The following PTPRN2 variants were observed in gnomAD, a reference collection of about 807,000 sequenced individuals.
The protein encoded by PTPRN2 is receptor-type tyrosine-protein phosphatase N2.
In PTPRN2, 74 loss-of-function variants were observed where a neutral mutation model predicts 118.8. The ratio of observed to expected loss-of-function variants is 0.62; its 90% CI spans 0.52 to 0.76. PTPRN2 has a LOEUF of 0.76. Among genes scored for constraint, PTPRN2 ranks in the 30% least tolerant of loss-of-function variants. The pLI, the probability that PTPRN2 is intolerant of heterozygous loss-of-function variation, is 0.00. For missense variants in PTPRN2, 1,481 were observed against 1,394.4 expected (o/e 1.06, Z -0.99); for synonymous variants, 641 against 608.0 (o/e 1.05, Z -0.80).
At chr7:157,577,460 T>C (rs938228317) in intron 18 of PTPRN2, among the ~76,000 whole-genome samples, 14 of 152,200 alleles carry the variant, frequency 9.2e-5, no homozygotes, top group Non-Finnish European at 4.4e-5. Context: ...TAGTTCATTC[T>C]TGATGGGGGC....
At chr7:157,589,429 T>G (rs1800862583) in intron 17 of PTPRN2, among the ~76,000 whole-genome samples, 1 of 152,236 alleles carries the variant, frequency 6.6e-6, no homozygotes, top group Non-Finnish European at 1.5e-5. Flanking sequence ...GAGGCGTCTT[T>G]GCAGATTAAA....
chr7:158,005,912 T>A (rs1432928348), intron 11 of PTPRN2, among the ~76,000 whole-genome samples: 2 of 152,250 alleles, frequency 1.3e-5, no homozygotes, highest in Non-Finnish European at 2.9e-5. Context: ...CGGCTCCTTT[T>A]AACTCTATGG....
At chr7:157,612,862 G>C (rs1397962629) in intron 15 of PTPRN2, among the ~76,000 whole-genome samples, 1 of 152,218 alleles carries the variant, frequency 6.6e-6, no homozygotes, top group Admixed American at 6.5e-5. Context: ...GCGGGGAAGC[G>C]GGTGGGAGCA....
chr7:158,162,575 T>C (rs1274518948), intron 6 of PTPRN2, among the ~76,000 whole-genome samples: 1 of 151,988 alleles, frequency 6.6e-6, no homozygotes, highest in East Asian at 1.9e-4. Flanking sequence ...AGGTCCATGG[T>C]TGCCAGGTCT....
intron 11 of PTPRN2, among the ~76,000 whole-genome samples, chr7:157,969,598 T>C (rs1802180145): frequency 1.3e-5 from 2 of 149,588 alleles, no homozygotes; most frequent in Admixed American, 1.3e-4. Flanking sequence ...GAGTTGGGAG[T>C]TGTGGAGGAG....
chr7:157,553,431 G>A (rs1798730779), intron 21 of PTPRN2, among the ~76,000 whole-genome samples: 1 of 152,212 alleles, frequency 6.6e-6, no homozygotes, highest in African/African-American at 2.4e-5. Context: ...CGCGTGCACT[G>A]ATCTCTGGAG....
chr7:158,334,124 A>ACACGT (rs1805093765), intron 2 of PTPRN2, among the ~76,000 whole-genome samples: 1 of 50,806 alleles, frequency 2.0e-5, no homozygotes, highest in African/African-American at 6.7e-5. Flanking sequence ...ACTCACACCC[A>ACACGT]CACTCTCACC....
chr7:158,530,687 C>T (rs1188697106), intron 1 of PTPRN2, among the ~76,000 whole-genome samples: 1 of 152,216 alleles, frequency 6.6e-6, no homozygotes, highest in East Asian at 1.9e-4. Flanking sequence ...TTTACACTAA[C>T]ATATGAAACA....
At chr7:158,379,032 T>TGCAGGGTAAG (rs1563220826) in intron 2 of PTPRN2, among the ~76,000 whole-genome samples, 1 of 152,070 alleles carries the variant, frequency 6.6e-6, no homozygotes, top group African/African-American at 2.4e-5. Context: ...AAGAGCTCCC[T>TGCAGGGTAAG]GCAGGGTGAG....
chr7:157,615,480 G>A lies in PTPRN2; in HGVS notation c.2344+5882C>T, dbSNP rs1244989584. The A allele has an allele frequency of 6.4e-6, 3 of 471,210 alleles. No individual in the cohort carries two copies. The highest frequency in any genetic ancestry group is 4.6e-5 in the South Asian group (3 of 64,566). The allele number at this position is 471,210 out of a possible 1,614,324, so 29.2% of individuals were successfully genotyped here. On this transcript the variant is annotated intron_variant, in intron 15 of 22. Transcript: ENST00000389418. The surrounding 1 kb of genome is among the most constrained non-coding windows in gnomAD (Gnocchi z 4.3). ...AGCCTCACGTGGAAACATCTGATGAGCCTTTGCCAATATGCTCGGGACCTG... is the reference window on the plus strand; with the variant it reads ...AGCCTCACGTGGAAACATCTGATGAACCTTTGCCAATATGCTCGGGACCTG...
chr7:158,198,241 T>C (rs774722975), intron 4 of PTPRN2, among the ~76,000 whole-genome samples: 1 of 152,228 alleles, frequency 6.6e-6, no homozygotes, highest in Non-Finnish European at 1.5e-5. Context: ...TGCTGCAGTA[T>C]GTTACGGCAA....
chr7:158,119,613 G>GA (rs1491257739), intron 9 of PTPRN2, among the ~76,000 whole-genome samples: 2,233 of 149,842 alleles, frequency 0.015, 54 homozygotes, highest in African/African-American at 0.053. Flanking sequence ...ATTTGAAAGA[G>GA]GGAGAGAGAG....
At position 158,388,245 on chromosome 7, in the gene PTPRN2, G is replaced by C. The variant is rs545903962; in HGVS notation, c.164-71313C>G. ...CCTGATCCACGGCCACATCCTCCAC[G>C]GGAAGCCACGGTTCACGTCAATCCC... On this transcript the variant is annotated intron_variant, in intron 2 of 22. Coordinates refer to ENST00000389418, the MANE Select transcript of PTPRN2 (RefSeq NM_002847.5). 4.2e-4 allele frequency among the ~76,000 whole-genome samples: 64 copies of C among 152,076 alleles called. 1 individual carries two copies. Among genetic ancestry groups the C allele is most frequent in the Non-Finnish European group, 2.9e-5 (2 of 68,020 alleles).
chr7:158,312,123 C>CAT (rs1184766470), intron 3 of PTPRN2, among the ~76,000 whole-genome samples: 1 of 82,550 alleles, frequency 1.2e-5, no homozygotes, highest in Non-Finnish European at 2.7e-5. Flanking sequence ...ACAAGGCAAA[C>CAT]ACACGTGCTC....
intron 2 of PTPRN2, among the ~76,000 whole-genome samples, chr7:158,428,655 G>C (rs1815937271): frequency 6.6e-6 from 1 of 152,144 alleles, no homozygotes; most frequent in South Asian, 2.1e-4. Context: ...ACTCGACCAG[G>C]CCTCTGTTTC....
intron 12 of PTPRN2, among the ~76,000 whole-genome samples, chr7:157,802,243 C>T (rs1462945473): frequency 3.3e-5 from 5 of 152,220 alleles, no homozygotes; most frequent in African/African-American, 1.2e-4. Flanking sequence ...TCCCGTGCTT[C>T]CCCCAGCGCC....
chr7:157,711,647 T>G, intron 12 of PTPRN2, among the ~76,000 whole-genome samples: 1 of 152,124 alleles, frequency 6.6e-6, no homozygotes, highest in Non-Finnish European at 1.5e-5. Flanking sequence ...TGCAGGCAGC[T>G]GTCTAATGCA....
At chr7:157,872,478 C>T (rs1811165771) in intron 12 of PTPRN2, among the ~76,000 whole-genome samples, 1 of 151,820 alleles carries the variant, frequency 6.6e-6, no homozygotes, top group Admixed American at 6.6e-5. Context: ...GTCCTCCCCA[C>T]ACACGCATAT....
At chr7:158,238,226 TG>T (rs751500778) in intron 3 of PTPRN2, among the ~76,000 whole-genome samples, 16 of 152,078 alleles carry the variant, frequency 1.1e-4, no homozygotes, top group Admixed American at 8.5e-4. Context: ...AGCTCAGCTC[TG>T]GGGGGCATCC....
Sources: allele counts gnomAD v4.1 joint callset (sites outside exome capture counted in the v4.1 genomes callset), GRCh38; gene constraint gnomAD v4.1.1; non-coding constraint Gnocchi (gnomAD v3.1); transcripts MANE v1.5; gene names NCBI Gene and HGNC (gene_info 2026-07-23, HGNC 2026-07-21).